The following PAPSS1 variants were observed in gnomAD, a reference collection of about 807,000 sequenced individuals.
PAPSS1 encodes the protein 3'-phosphoadenosine 5'-phosphosulfate synthase 1.
Under a neutral mutation model 72.0 loss-of-function variants are expected in PAPSS1, and 50 were observed. The ratio of observed to expected loss-of-function variants is 0.69; its 90% confidence interval spans 0.55 to 0.88. The LOEUF (loss-of-function observed/expected upper bound fraction) is 0.88. Ranked by LOEUF, PAPSS1 falls within the 40% of genes least tolerant of loss-of-function variation. The pLI, the probability that PAPSS1 is intolerant of heterozygous loss-of-function variation, is 0.00. For missense variants in PAPSS1, 657 were observed against 782.2 expected, an observed-to-expected ratio of 0.84 and a Z score of 1.91; for synonymous variants, 261 against 263.6, an observed-to-expected ratio of 0.99 and a Z score of 0.09.
chr4:107,713,415 T>C (rs1723548667), intron 1 of PAPSS1, among the ~76,000 whole-genome samples: 1 of 152,104 alleles, frequency 6.6e-6, no homozygotes, highest in South Asian at 2.1e-4. Context: ...ATTCTGGTGA[T>C]GGCTGTACAA....
intron 5 of PAPSS1, among the ~76,000 whole-genome samples, chr4:107,667,325 A>G (rs1411548181): frequency 6.6e-6 from 1 of 152,124 alleles, no homozygotes; most frequent in Non-Finnish European, 1.5e-5. Flanking sequence ...AGTCTATAAG[A>G]AACTGGAAGT....
At chr4:107,634,796 C>CTTT (rs1560566992) in intron 10 of PAPSS1, among the ~76,000 whole-genome samples, 7 of 106,338 alleles carry the variant, frequency 6.6e-5, no homozygotes, top group Non-Finnish European at 9.6e-5. Flanking sequence ...ATATTCTAGA[C>CTTT]ATTTTTTTTT....
chr4:107,654,676 A>G lies in PAPSS1; in HGVS notation c.1101+19T>C. On this transcript the variant is annotated intron_variant, in intron 8 of 11. Transcript: ENST00000265174. ...TCATTGGCAAATCAAGATAAAATGC[A>G]GCGAGGTTTTTTCAGCACCTTAATA... The G allele has an allele frequency of 6.3e-7, 1 of 1,591,088 alleles. No homozygotes were observed. The highest frequency in any genetic ancestry group is 8.6e-7 in the Non-Finnish European group (1 of 1,161,006).
chr4:107,657,455 C>T (rs1464201888), intron 6 of PAPSS1, among the ~76,000 whole-genome samples: 3 of 152,192 alleles, frequency 2.0e-5, no homozygotes, highest in Non-Finnish European at 4.4e-5. Context: ...AGGTGGCTCA[C>T]GCCTGAAATT....
intron 1 of PAPSS1, among the ~76,000 whole-genome samples, chr4:107,701,608 C>T (rs1560590359): frequency 6.6e-6 from 1 of 152,160 alleles, no homozygotes; most frequent in African/African-American, 2.4e-5. Flanking sequence ...CTAGTCCTTT[C>T]ACACATTCAT....
At chr4:107,683,314 C>T (rs1015401295) in intron 4 of PAPSS1, among the ~76,000 whole-genome samples, 1 of 151,766 alleles carries the variant, frequency 6.6e-6, no homozygotes, top group Non-Finnish European at 1.5e-5. Context: ...GAAAAAATTT[C>T]TGCGTTACCG....
intron 9 of PAPSS1, among the ~76,000 whole-genome samples, chr4:107,650,837 G>A (rs1268818545): frequency 1.3e-5 from 2 of 151,914 alleles, no homozygotes; most frequent in Non-Finnish European, 2.9e-5. Context: ...TCCAAAACAG[G>A]AAGAGAAGGG....
intron 5 of PAPSS1, among the ~76,000 whole-genome samples, chr4:107,674,490 A>G (rs1208542837): frequency 6.6e-6 from 1 of 152,264 alleles, no homozygotes; most frequent in Non-Finnish European, 1.5e-5. Context: ...TAACTATCCT[A>G]AATATATATT....
At chr4:107,680,418 C>T (rs1727775909) in intron 5 of PAPSS1, among the ~76,000 whole-genome samples, 1 of 151,952 alleles carries the variant, frequency 6.6e-6, no homozygotes, top group Admixed American at 6.6e-5. Context: ...ATCTTTAAAG[C>T]ACTAAAAGAA....
chr4:107,625,285 T>C (rs1244100254), intron 11 of PAPSS1, among the ~76,000 whole-genome samples: 1 of 152,196 alleles, frequency 6.6e-6, no homozygotes, highest in Non-Finnish European at 1.5e-5. Flanking sequence ...CAGATACAAT[T>C]AAAGTTACTA....
intron 11 of PAPSS1, among the ~76,000 whole-genome samples, chr4:107,615,630 C>T (rs1329203641): frequency 6.6e-6 from 1 of 152,140 alleles, no homozygotes; most frequent in Non-Finnish European, 1.5e-5. Context: ...AAATAAGTTA[C>T]AGTATAGTCC....
intron 5 of PAPSS1, among the ~76,000 whole-genome samples, chr4:107,678,371 C>T (rs1271925897): frequency 2.0e-5 from 3 of 151,808 alleles, no homozygotes; most frequent in Non-Finnish European, 2.9e-5. Context: ...AAACAAAACA[C>T]AGAGATTCCA....
At chr4:107,714,317 T>G (rs1420209951) in intron 1 of PAPSS1, among the ~76,000 whole-genome samples, 1 of 152,218 alleles carries the variant, frequency 6.6e-6, no homozygotes, top group Non-Finnish European at 1.5e-5. Flanking sequence ...TATTTGGAAC[T>G]GAGCCCAATC....
At chr4:107,679,103 G>A (rs1578416997) in intron 5 of PAPSS1, among the ~76,000 whole-genome samples, 1 of 152,138 alleles carries the variant, frequency 6.6e-6, no homozygotes, top group Non-Finnish European at 1.5e-5. Flanking sequence ...GGGAGGGGAA[G>A]GAGCACTGAG....
intron 1 of PAPSS1, chr4:107,719,793 G>A: frequency 8.4e-7 from 1 of 1,188,896 alleles, no homozygotes; most frequent in Non-Finnish European, 1.0e-6. Context: ...GCACCCGGAG[G>A]TTTCAGCAAG....
At chr4:107,663,632 T>A (rs1727244933) in intron 5 of PAPSS1, among the ~76,000 whole-genome samples, 1 of 146,906 alleles carries the variant, frequency 6.8e-6, no homozygotes, top group Non-Finnish European at 1.5e-5. Flanking sequence ...TTGACCCAAA[T>A]CCCTGCAATA....
chr4:107,651,762 T>C (rs1156400979), intron 9 of PAPSS1, among the ~76,000 whole-genome samples: 2 of 152,128 alleles, frequency 1.3e-5, no homozygotes, highest in South Asian at 2.1e-4. Flanking sequence ...CAATTCAAGA[T>C]GAGATTTGGG....
chr4:107,674,602 C>T (rs1490060465), intron 5 of PAPSS1, among the ~76,000 whole-genome samples: 1 of 152,170 alleles, frequency 6.6e-6, no homozygotes, highest in African/African-American at 2.4e-5. Flanking sequence ...TAACACCTCA[C>T]TGTCAACATT....
chr4:107,635,087 C>T (rs577791082), intron 10 of PAPSS1, among the ~76,000 whole-genome samples: 18 of 152,074 alleles, frequency 1.2e-4, no homozygotes, highest in Admixed American at 3.3e-4. Flanking sequence ...CGTGAGCCAC[C>T]GCGCTTGGCC....
Sources: allele counts gnomAD v4.1 joint callset (sites outside exome capture counted in the v4.1 genomes callset), GRCh38; gene constraint gnomAD v4.1.1; transcripts MANE v1.5; gene names NCBI Gene and HGNC (gene_info 2026-07-23, HGNC 2026-07-21).